DMD: variants seen among roughly 807,000 people sequenced by gnomAD.
DMD encodes the protein mutant dystrophin.
In DMD, 63 loss-of-function variants were observed where a neutral mutation model predicts 330.1. That is an observed-to-expected ratio of 0.19 (90% CI 0.16 to 0.24). The LOEUF (loss-of-function observed/expected upper bound fraction) is 0.24. Ranked by LOEUF, DMD falls within the 10% of genes least tolerant of loss-of-function variation. The pLI, the probability that DMD is intolerant of heterozygous loss-of-function variation, is 1.00. For missense variants in DMD, 3,344 were observed against 2,684.1 expected (o/e 1.25, Z -5.43); for synonymous variants, 1,223 against 959.8 (o/e 1.27, Z -5.07).
intron 37 of DMD, among the ~76,000 whole-genome samples, chrX:32,359,018 G>A (rs1033679590): frequency 1.8e-5 from 2 of 111,715 alleles, no homozygotes; most frequent in African/African-American, 6.5e-5. Context: ...GAGAGGTAAA[G>A]AGGCATATCC....
At chrX:32,525,070 T>C (rs2046818680) in intron 17 of DMD, among the ~76,000 whole-genome samples, 1 of 112,062 alleles carries the variant, frequency 8.9e-6, no homozygotes, top group Non-Finnish European at 1.9e-5. Context: ...TCTATCATTA[T>C]TGTGATATCT....
chrX:31,432,323 T>TTTTC (rs772674012), intron 60 of DMD, among the ~76,000 whole-genome samples: 181 of 111,786 alleles, frequency 1.6e-3, no homozygotes, highest in African/African-American at 5.0e-3. Flanking sequence ...AGAGAGTCCT[T>TTTTC]TTTCTTACAA....
At chrX:32,031,719 G>T (rs764910361) in intron 44 of DMD, among the ~76,000 whole-genome samples, 102 of 111,595 alleles carry the variant, frequency 9.1e-4, no homozygotes, top group Non-Finnish European at 1.7e-3. Flanking sequence ...TCATCTACAT[G>T]GAAACAGCGG....
intron 2 of DMD, among the ~76,000 whole-genome samples, chrX:32,916,234 A>G (rs1034551363): frequency 2.7e-5 from 3 of 111,636 alleles, no homozygotes; most frequent in African/African-American, 9.8e-5. Context: ...GGTTTATGCT[A>G]TATTTTTGAA....
intron 43 of DMD, among the ~76,000 whole-genome samples, chrX:32,221,253 G>A (rs1275528245): frequency 9.0e-6 from 1 of 110,934 alleles, no homozygotes; most frequent in African/African-American, 3.3e-5. Context: ...CTCAGCATTG[G>A]ACTGCTGATT....
At chrX:31,571,169 C>T (rs1337863607) in intron 55 of DMD, among the ~76,000 whole-genome samples, 1 of 109,625 alleles carries the variant, frequency 9.1e-6, no homozygotes, top group Non-Finnish European at 1.9e-5. Flanking sequence ...GTAGAATGTC[C>T]CATCAGATTC....
At chrX:31,913,007 A>G (rs1322237098) in intron 47 of DMD, among the ~76,000 whole-genome samples, 2 of 112,411 alleles carry the variant, frequency 1.8e-5, no homozygotes, top group Admixed American at 1.9e-4. Context: ...ACACATGGAG[A>G]AGACAATGGA....
intron 44 of DMD, among the ~76,000 whole-genome samples, chrX:31,983,298 C>CT (rs78372492): frequency 0.24 from 25,807 of 108,498 alleles, 2,492 homozygotes; most frequent in South Asian, 0.44. Flanking sequence ...TATATACTTA[C>CT]TTTTTTTTTC....
chrX:31,299,807 G>T (rs1436414159), intron 62 of DMD, among the ~76,000 whole-genome samples: 1 of 107,993 alleles, frequency 9.3e-6, no homozygotes, highest in Non-Finnish European at 1.9e-5. Flanking sequence ...AAGGATGGGG[G>T]GGATGATACA....
At chrX:32,415,471 T>C (rs5971632) in intron 29 of DMD, among the ~76,000 whole-genome samples, 3,233 of 112,174 alleles carry the variant, frequency 0.029, 105 homozygotes, top group African/African-American at 0.097. Context: ...AGCTGCCTTC[T>C]ATTTCTAAAC....
intron 53 of DMD, among the ~76,000 whole-genome samples, chrX:31,670,875 T>C (rs1390465485): frequency 2.7e-5 from 3 of 111,328 alleles, no homozygotes; most frequent in Non-Finnish European, 5.7e-5. Flanking sequence ...TTAGTATGTC[T>C]TTTGGGAGCG....
chrX:31,350,193 G>A (rs1328978352), intron 60 of DMD, among the ~76,000 whole-genome samples: 2 of 111,296 alleles, frequency 1.8e-5, no homozygotes, highest in African/African-American at 6.5e-5. Flanking sequence ...TGCCTGTCCT[G>A]CACTATTCCA....
chrX:31,315,765 T>TATAG (rs1355801619), intron 62 of DMD, among the ~76,000 whole-genome samples: 1 of 112,308 alleles, frequency 8.9e-6, no homozygotes, highest in Non-Finnish European at 1.9e-5. Context: ...ACATATGCCA[T>TATAG]ATAGAATGTT....
intron 7 of DMD, among the ~76,000 whole-genome samples, chrX:32,802,705 C>G (rs922747076): frequency 1.2e-4 from 13 of 111,499 alleles, no homozygotes; most frequent in Non-Finnish European, 2.4e-4. Flanking sequence ...TTATCAAAGG[C>G]CTTTTCTGCA....
rs983503193 is a variant in DMD at position 33,249,615 on chromosome X, G to A, written c.7+89644C>T. ...TCTTGGCCTGCCCATTTTTAACAAC[G>A]TAGGAAACAGCTGCAAACACTCCTT... On this transcript the variant is annotated intron_variant, in intron 1 of 17. Transcript: ENST00000288447. 1.8e-4 allele frequency among the ~76,000 whole-genome samples: 20 copies of A among 111,506 alleles called. 1 individual carries two copies. Among genetic ancestry groups the A allele is most frequent in the Admixed American group, 1.7e-3 (18 of 10,466 alleles).
intron 47 of DMD, among the ~76,000 whole-genome samples, chrX:31,901,461 G>A (rs1419255746): frequency 9.0e-6 from 1 of 111,434 alleles, no homozygotes; most frequent in Non-Finnish European, 1.9e-5. Flanking sequence ...TTTTGCTTCT[G>A]CTATAGTTTA....
At chrX:31,390,857 T>C (rs1038527551) in intron 60 of DMD, among the ~76,000 whole-genome samples, 14 of 111,654 alleles carry the variant, frequency 1.3e-4, no homozygotes, top group Non-Finnish European at 1.1e-4. Flanking sequence ...CACAGGTACG[T>C]CAGATTATAT....
intron 2 of DMD, among the ~76,000 whole-genome samples, chrX:32,856,171 C>A (rs778722629): frequency 8.9e-6 from 1 of 111,750 alleles, no homozygotes; most frequent in South Asian, 3.7e-4. Context: ...AATGCTGATG[C>A]GGCTGTGTGG....
intron 1 of DMD, among the ~76,000 whole-genome samples, chrX:33,319,987 T>C (rs1365865388): frequency 1.8e-5 from 2 of 111,525 alleles, no homozygotes; most frequent in Non-Finnish European, 3.8e-5. Context: ...GGGTGAGAGG[T>C]CAGTTAGATG....
Sources: gnomAD v4.1 joint callset for allele counts (sites outside exome capture counted in the v4.1 genomes callset) on GRCh38, gnomAD v4.1.1 for gene constraint, MANE v1.5 for transcripts, NCBI Gene and HGNC (gene_info 2026-07-23, HGNC 2026-07-21) for gene names.